CCDC85A: variants seen among roughly 807,000 people sequenced by gnomAD.
CCDC85A encodes the protein coiled-coil domain containing 85A.
In CCDC85A, 38 loss-of-function variants were observed where a neutral mutation model predicts 50.2. The ratio of observed to expected loss-of-function variants is 0.76; its 90% CI spans 0.58 to 0.99. The LOEUF (loss-of-function observed/expected upper bound fraction) is 0.99. Among genes scored for constraint, CCDC85A ranks in the 50% least tolerant of loss-of-function variants. The probability of loss-of-function intolerance (pLI) is 0.00; values close to 1 mark genes in which losing one functional copy is unlikely to be tolerated. For synonymous variants in CCDC85A, 366 were observed against 301.4 expected (o/e 1.21, Z -2.22); for missense variants, 820 against 742.0 (o/e 1.11, Z -1.22).
intron 3 of CCDC85A, among the ~76,000 whole-genome samples, chr2:56,358,973 T>A (rs1228971842): frequency 6.6e-6 from 1 of 151,306 alleles, no homozygotes; most frequent in African/African-American, 2.4e-5. Flanking sequence ...TTTTTTTTTT[T>A]TTTTTTTTTT....
chr2:56,341,517 TTTG>T (rs577464764), intron 2 of CCDC85A, among the ~76,000 whole-genome samples: 1 of 152,108 alleles, frequency 6.6e-6, no homozygotes, highest in Non-Finnish European at 1.5e-5. Context: ...CCTGAAATAT[TTTG>T]TTGTTGTGTG....
chr2:56,272,279 A>G (rs1168287722), intron 2 of CCDC85A, among the ~76,000 whole-genome samples: 1 of 152,188 alleles, frequency 6.6e-6, no homozygotes, highest in Admixed American at 6.5e-5. Flanking sequence ...CAACTTAAAA[A>G]AAAAACAGCA....
chr2:56,196,526 C>G (rs80315719), intron 2 of CCDC85A, among the ~76,000 whole-genome samples: 7,577 of 152,258 alleles, frequency 0.05, 229 homozygotes, highest in South Asian at 0.11. Flanking sequence ...ATGGAATTTT[C>G]TTAGGCAAAA....
intron 2 of CCDC85A, among the ~76,000 whole-genome samples, chr2:56,196,471 G>T (rs934996803): frequency 8.5e-5 from 13 of 152,208 alleles, no homozygotes; most frequent in African/African-American, 3.1e-4. Flanking sequence ...CAACTATTGA[G>T]AATGGGGGTT....
chr2:56,220,823 G>A (rs1296407165), intron 2 of CCDC85A, among the ~76,000 whole-genome samples: 1 of 151,878 alleles, frequency 6.6e-6, no homozygotes, highest in Non-Finnish European at 1.5e-5. Context: ...ATTCTCTTTT[G>A]TCTCCTCATT....
chr2:56,323,825 T>C (rs1282288901), intron 2 of CCDC85A, among the ~76,000 whole-genome samples: 1 of 152,094 alleles, frequency 6.6e-6, no homozygotes, highest in East Asian at 1.9e-4. Context: ...AATGATAGGA[T>C]ATGAAAAGTT....
intron 5 of CCDC85A, among the ~76,000 whole-genome samples, chr2:56,382,281 G>A (rs956629187): frequency 2.0e-5 from 3 of 151,894 alleles, no homozygotes; most frequent in African/African-American, 4.8e-5. Flanking sequence ...GAAAAATAAA[G>A]TTTTCCCATA....
At chr2:56,346,939 T>G (rs2104333478) in intron 3 of CCDC85A, among the ~76,000 whole-genome samples, 1 of 152,332 alleles carries the variant, frequency 6.6e-6, no homozygotes, top group South Asian at 2.1e-4. Flanking sequence ...AAAATCGTGC[T>G]TAAATAAATT....
intron 1 of CCDC85A, among the ~76,000 whole-genome samples, chr2:56,185,953 T>C (rs1192165790): frequency 5.3e-5 from 8 of 152,190 alleles, no homozygotes; most frequent in Admixed American, 5.2e-4. Flanking sequence ...AAGCTGTTCT[T>C]TTCCCCTTTC....
intron 2 of CCDC85A, among the ~76,000 whole-genome samples, chr2:56,313,629 A>G (rs1672792410): frequency 6.6e-6 from 1 of 152,148 alleles, no homozygotes; most frequent in African/African-American, 2.4e-5. Context: ...GCTCTAATAA[A>G]TCATCTATTG....
At chr2:56,292,501 A>G (rs1276396688) in intron 2 of CCDC85A, among the ~76,000 whole-genome samples, 1 of 151,880 alleles carries the variant, frequency 6.6e-6, no homozygotes, top group Non-Finnish European at 1.5e-5. Context: ...GCCTTCCACA[A>G]CCCTCTCTCA....
chr2:56,288,698 C>T (rs3032188), intron 2 of CCDC85A, among the ~76,000 whole-genome samples: 2 of 151,800 alleles, frequency 1.3e-5, no homozygotes, highest in Admixed American at 6.6e-5. Context: ...ATGCCCCCCC[C>T]ACCCCAAAAA....
At chr2:56,257,950 TAAA>T (rs895442063) in intron 2 of CCDC85A, among the ~76,000 whole-genome samples, 15 of 152,148 alleles carry the variant, frequency 9.9e-5, no homozygotes, top group African/African-American at 3.4e-4. Flanking sequence ...CCAACAGAAA[TAAA>T]AAATCATCAG....
At chr2:56,325,947 G>C (rs1485215020) in intron 2 of CCDC85A, among the ~76,000 whole-genome samples, 4 of 152,072 alleles carry the variant, frequency 2.6e-5, no homozygotes, top group African/African-American at 4.8e-5. Flanking sequence ...TTGTGTCTTA[G>C]GCAAAATACG....
At chr2:56,198,464 C>A (rs757512536) in intron 2 of CCDC85A, among the ~76,000 whole-genome samples, 1 of 152,118 alleles carries the variant, frequency 6.6e-6, no homozygotes, top group Non-Finnish European at 1.5e-5. Context: ...AATTTGGTAA[C>A]CTTATGCACA....
At chr2:56,219,234 C>T (rs149777778) in intron 2 of CCDC85A, among the ~76,000 whole-genome samples, 42 of 147,316 alleles carry the variant, frequency 2.9e-4, no homozygotes, top group African/African-American at 5.5e-4. Flanking sequence ...AGATGCCATA[C>T]GAGATGCGAA....
At chr2:56,251,815 A>G (rs1218806337) in intron 2 of CCDC85A, among the ~76,000 whole-genome samples, 1 of 151,980 alleles carries the variant, frequency 6.6e-6, no homozygotes, top group African/African-American at 2.4e-5. Context: ...CAGGATGGGC[A>G]CTGGAAGTGA....
intron 2 of CCDC85A, among the ~76,000 whole-genome samples, chr2:56,212,993 T>G (rs1437467597): frequency 1.3e-5 from 2 of 152,108 alleles, no homozygotes; most frequent in African/African-American, 2.4e-5. Flanking sequence ...GACAATTAGA[T>G]AGCCATCTCA....
intron 2 of CCDC85A, among the ~76,000 whole-genome samples, chr2:56,259,320 G>T (rs116647589): frequency 0.031 from 4,676 of 152,216 alleles, 114 homozygotes; most frequent in Admixed American, 0.063. Context: ...TCCTTCAGAT[G>T]GCAAAGAGCA....
Sources: gnomAD v4.1 joint callset for allele counts (sites outside exome capture counted in the v4.1 genomes callset) on GRCh38, gnomAD v4.1.1 for gene constraint, MANE v1.5 for transcripts, NCBI Gene and HGNC (gene_info 2026-07-23, HGNC 2026-07-21) for gene names.